Variants in DNAH14 observed in about 807,000 individuals in gnomAD.
DNAH14 encodes axonemal beta dynein heavy chain 14.
DNAH14 carries 478 observed loss-of-function variants against 520.9 expected under a neutral mutation model. That is an observed-to-expected ratio of 0.92 (90% confidence interval 0.85 to 0.99). The LOEUF is 0.99. DNAH14 is among the 50% of genes least tolerant of loss of function. The pLI, the probability that DNAH14 is intolerant of heterozygous loss-of-function variation, is 0.00. For missense variants in DNAH14, 4,831 were observed against 5,234.5 expected (o/e 0.92, Z 2.38); for synonymous variants, 1,581 against 1,757.2 (o/e 0.90, Z 2.51).
chr1:224,970,427 T>G (rs1360622240), intron 7 of DNAH14, among the ~76,000 whole-genome samples: 1 of 152,142 alleles, frequency 6.6e-6, no homozygotes, highest in Non-Finnish European at 1.5e-5. Context: ...TCCATTTGCC[T>G]TGTGATATCT....
intron 60 of DNAH14, among the ~76,000 whole-genome samples, chr1:225,309,782 A>G (rs903478948): frequency 6.6e-6 from 1 of 152,102 alleles, no homozygotes; most frequent in African/African-American, 2.4e-5. Context: ...AATCCCAGCT[A>G]CTTAGGAGGC....
chr1:225,267,792 G>A (rs894679970), intron 49 of DNAH14, among the ~76,000 whole-genome samples: 1 of 151,702 alleles, frequency 6.6e-6, no homozygotes, highest in Non-Finnish European at 1.5e-5. Flanking sequence ...CCAGGATCCT[G>A]AATAAGGCAA....
intron 7 of DNAH14, among the ~76,000 whole-genome samples, chr1:224,973,468 A>T (rs1030977747): frequency 6.6e-6 from 1 of 152,226 alleles, no homozygotes; most frequent in Admixed American, 6.5e-5. Context: ...CCACACGTGC[A>T]TAATATAGGT....
intron 79 of DNAH14, among the ~76,000 whole-genome samples, chr1:225,379,826 A>G (rs2095757036): frequency 6.6e-6 from 1 of 152,042 alleles, no homozygotes; most frequent in Admixed American, 6.6e-5. Context: ...TGCCCAGCCA[A>G]TTTTTATTTT....
At position 225,271,970 on chromosome 1, in the gene DNAH14, A is replaced by G; in HGVS notation, c.7736A>G (p.Gln2579Arg). ...CCTGAAGTTCAGAAAAGTAAGGATC[A>G]GATAATATCTTGTTCCCTAGCTATA... The part of the protein sequence containing the change: ...FTPEVQKSKD[Q>R]IISCSLAIYH... Residue 2579 changes from glutamine (Q) to arginine (R), a missense_variant, in exon 51 of 86, where the codon CAG (glutamine) becomes CGG (arginine). Gln to Arg is a conservative substitution (Grantham distance 43, BLOSUM62 1). Transcript: ENST00000682510. The G allele has an allele frequency of 1.3e-6, 2 of 1,550,690 alleles. No individual in the cohort carries two copies. Among genetic ancestry groups the G allele is most frequent in the South Asian group, 2.4e-5 (2 of 83,964 alleles).
At chr1:225,245,399 T>A (rs548201714) in intron 43 of DNAH14, among the ~76,000 whole-genome samples, 4 of 152,282 alleles carry the variant, frequency 2.6e-5, no homozygotes, top group Admixed American at 2.6e-4. Context: ...TGAATATCCT[T>A]GTTAATTTTC....
At chr1:225,130,975 G>C (rs1225518579) in intron 27 of DNAH14, among the ~76,000 whole-genome samples, 1 of 152,120 alleles carries the variant, frequency 6.6e-6, no homozygotes, top group Non-Finnish European at 1.5e-5. Flanking sequence ...AAATCATTAT[G>C]AAGGGTACTG....
chr1:225,385,210 G>T (rs941697470), intron 81 of DNAH14, among the ~76,000 whole-genome samples: 18 of 152,072 alleles, frequency 1.2e-4, no homozygotes, highest in Admixed American at 9.8e-4. Context: ...AATAAACTAG[G>T]TATTGATAGG....
intron 65 of DNAH14, among the ~76,000 whole-genome samples, chr1:225,332,864 G>A (rs1283648368): frequency 1.3e-5 from 2 of 151,734 alleles, no homozygotes; most frequent in Non-Finnish European, 2.9e-5. Flanking sequence ...GCTGAGCATG[G>A]TGGCACATGC....
chr1:225,268,820 A>C (rs1297092694), intron 49 of DNAH14, among the ~76,000 whole-genome samples: 6 of 152,196 alleles, frequency 3.9e-5, no homozygotes, highest in Non-Finnish European at 7.3e-5. Context: ...TGCTCAACGA[A>C]ATAAAAGAGG....
intron 37 of DNAH14, among the ~76,000 whole-genome samples, chr1:225,190,278 CTCTA>C (rs1306852546): frequency 6.6e-6 from 1 of 151,892 alleles, no homozygotes; most frequent in African/African-American, 2.4e-5. Context: ...TGAATGTGAT[CTCTA>C]TCTCTCAAAA....
intron 11 of DNAH14, among the ~76,000 whole-genome samples, chr1:225,025,503 G>A (rs1260700969): frequency 1.3e-5 from 2 of 151,944 alleles, no homozygotes; most frequent in Non-Finnish European, 2.9e-5. Context: ...AGGCTGAGGT[G>A]GGAGGATCAC....
rs2095284125 is a variant in DNAH14 at position 225,346,228 on chromosome 1, C to T, written c.10945C>T (p.Gln3649Ter). The T allele has an allele frequency of 5.8e-6, 9 of 1,551,414 alleles. No homozygotes were observed. The highest frequency in any genetic ancestry group is 7.0e-6 in the Non-Finnish European group (8 of 1,146,946). ...ATCAGTAGTTTCCAAAAGCAAAGAA[C>T]AAGAACATAGTTTTAAAAGGGAGAA... Reference protein sequence around the residue: ...VSSVVSKSKEQEHSFKREKVS... With the variant: ...VSSVVSKSKE Residue 3649 changes from glutamine (Q) to a stop codon, truncating the protein, a stop_gained, in exon 70 of 86, where the codon CAA (glutamine) becomes TAA (stop). Coordinates refer to ENST00000682510, the MANE Select transcript of DNAH14 (RefSeq NM_001367479.1). LOFTEE classifies it high-confidence loss of function.
intron 45 of DNAH14, 95 bp downstream of exon 45, chr1:225,258,213 A>T (rs1312033857): frequency 1.7e-6 from 2 of 1,154,294 alleles, no homozygotes; most frequent in African/African-American, 3.3e-5. Context: ...TGGGAAAAAA[A>T]TATACACTGA....
At chr1:224,995,246 G>A (rs1274077823) in intron 8 of DNAH14, among the ~76,000 whole-genome samples, 1 of 152,024 alleles carries the variant, frequency 6.6e-6, no homozygotes, top group Non-Finnish European at 1.5e-5. Context: ...AACTTGCTTA[G>A]CATTTATTTG....
chr1:225,256,302 C>T (rs1022936385), intron 44 of DNAH14, among the ~76,000 whole-genome samples: 4 of 152,012 alleles, frequency 2.6e-5, no homozygotes, highest in Admixed American at 6.6e-5. Context: ...AGAATTAGTG[C>T]GCACGTGTTG....
chr1:225,334,860 C>T (rs1006538968), intron 66 of DNAH14, among the ~76,000 whole-genome samples: 1 of 146,506 alleles, frequency 6.8e-6, no homozygotes, highest in South Asian at 2.2e-4. Flanking sequence ...CAAGCCAAGT[C>T]TCTGTCTCTC....
chr1:225,001,822 CTT>C (rs1333597414), intron 8 of DNAH14, among the ~76,000 whole-genome samples: 1 of 152,062 alleles, frequency 6.6e-6, no homozygotes, highest in Non-Finnish European at 1.5e-5. Context: ...AGCATAATCT[CTT>C]TTTCTGTATC....
chr1:225,284,462 G>C (rs186912733), intron 54 of DNAH14, among the ~76,000 whole-genome samples: 56 of 152,202 alleles, frequency 3.7e-4, no homozygotes, highest in Admixed American at 7.9e-4. Flanking sequence ...AAATCTAATA[G>C]AGCAGTAACA....
Sources: gnomAD v4.1 joint callset for allele counts (sites outside exome capture counted in the v4.1 genomes callset) on GRCh38, gnomAD v4.1.1 for gene constraint, MANE v1.5 for transcripts, NCBI Gene and HGNC (gene_info 2026-07-23, HGNC 2026-07-21) for gene names.